SCP2: variants seen among roughly 807,000 people sequenced by gnomAD.
SCP2 encodes the protein SCP-2/3-oxoacyl-CoA thiolase.
SCP2 carries 48 observed loss-of-function variants against 71.4 expected under a neutral mutation model. That is an observed-to-expected ratio of 0.67 (90% CI 0.53 to 0.86). SCP2 has a LOEUF of 0.86. Among genes scored for constraint, SCP2 ranks in the 40% least tolerant of loss-of-function variants. The pLI, the probability that SCP2 is intolerant of heterozygous loss-of-function variation, is 0.00. For missense variants in SCP2, 560 were observed against 655.6 expected (o/e 0.85, Z 1.59); for synonymous variants, 220 against 218.1 (o/e 1.01, Z -0.08).
chr1:52,940,967 C>G (rs537120025), intron 1 of SCP2, among the ~76,000 whole-genome samples: 51 of 152,278 alleles, frequency 3.3e-4, no homozygotes, highest in African/African-American at 1.1e-3. Flanking sequence ...CCAGGCTGGT[C>G]TTGAACTCTT....
At chr1:53,050,171 T>C (rs1313781874) in intron 15 of SCP2, 2 of 215,892 alleles carry the variant, frequency 9.3e-6, no homozygotes, top group African/African-American at 4.7e-5. Context: ...TAGGGATAAG[T>C]CCTTTATCAT....
At chr1:53,015,418 C>T (rs898137070) in intron 12 of SCP2, among the ~76,000 whole-genome samples, 3 of 152,126 alleles carry the variant, frequency 2.0e-5, no homozygotes, top group African/African-American at 7.2e-5. Context: ...TTTGTATTTC[C>T]GAGTCCAGCT....
At chr1:53,043,095 TC>T (rs1252540408) in intron 14 of SCP2, among the ~76,000 whole-genome samples, 1 of 152,198 alleles carries the variant, frequency 6.6e-6, no homozygotes, top group Non-Finnish European at 1.5e-5. Flanking sequence ...CTTCAGGGTC[TC>T]CTATCCCCAA....
chr1:53,022,263 T>G (rs1661803662), intron 12 of SCP2, among the ~76,000 whole-genome samples: 1 of 152,236 alleles, frequency 6.6e-6, no homozygotes, highest in East Asian at 1.9e-4. Context: ...TCATTTAGCA[T>G]AATGTTGTCA....
At chr1:52,948,193 A>G in intron 3 of SCP2, 113 bp downstream of exon 3, 1 of 766,374 alleles carries the variant, frequency 1.3e-6, no homozygotes, top group African/African-American at 1.7e-5. Context: ...GAATTCATTC[A>G]ATTATATTTG....
At chr1:53,035,096 ACT>A (rs1662832855) in intron 13 of SCP2, among the ~76,000 whole-genome samples, 1 of 149,980 alleles carries the variant, frequency 6.7e-6, no homozygotes, top group African/African-American at 2.5e-5. Flanking sequence ...ACAGAGTGAG[ACT>A]CTGTCTCAAA....
rs748290722 is a variant in SCP2, at chr1:52,993,323, T to C, written c.1081+5187T>C. ...AAGTTCATGGAAAGCTTGATCTACA[T>C]TCATCCTAATCTTTGCTGATGCCTC... On this transcript the variant is annotated intron_variant, in intron 11 of 15. Transcript: ENST00000371514. 14 of 1,614,090 alleles carry C rather than the reference T, an allele frequency of 8.7e-6. No individual in the cohort carries two copies. The Admixed American group carries it at 2.3e-4, about 27-fold the overall frequency.
chr1:53,046,092 G>T (rs11206078), intron 14 of SCP2, among the ~76,000 whole-genome samples: 33,013 of 152,098 alleles, frequency 0.22, 6,025 homozygotes, highest in African/African-American at 0.5. Flanking sequence ...CTTTTGGCAA[G>T]TATGAATCTT....
intron 15 of SCP2, 99 bp downstream of exon 15, chr1:53,048,036 T>A: frequency 6.1e-6 from 5 of 825,632 alleles, no homozygotes; most frequent in Non-Finnish European, 6.3e-6. Flanking sequence ...GTGGTCAGAC[T>A]CACAAAACTC....
Position 53,009,848 on chromosome 1 carries a change from G to A in SCP2, c.1082-5042G>A, listed in dbSNP as rs1019575822. Among the ~76,000 whole-genome samples, 12 of 152,164 alleles carry A rather than the reference G, an allele frequency of 7.9e-5. 1 individual carries two copies. Among genetic ancestry groups the A allele is most frequent in the South Asian group, 6.2e-4 (3 of 4,822 alleles). On this transcript the variant is annotated intron_variant, in intron 11 of 15. Transcript: ENST00000371514. ...CATCAGAGTACACAGGCAACCTACA[G>A]AATGGGAGAAAATTTTTGCAACCTA... is the stretch of plus-strand genomic sequence containing the variant.
At chr1:52,973,493 C>T (rs1657681455) in intron 6 of SCP2, among the ~76,000 whole-genome samples, 1 of 152,182 alleles carries the variant, frequency 6.6e-6, no homozygotes, top group Non-Finnish European at 1.5e-5. Flanking sequence ...TTTCTTTGAT[C>T]TAACAGTCAA....
intron 12 of SCP2, among the ~76,000 whole-genome samples, chr1:53,016,596 C>A (rs1310650485): frequency 3.3e-5 from 5 of 151,986 alleles, no homozygotes; most frequent in Non-Finnish European, 7.4e-5. Flanking sequence ...ACTAGGATTG[C>A]CCAACAGAAG....
At chr1:52,990,864 A>G (rs896111833) in intron 11 of SCP2, among the ~76,000 whole-genome samples, 8 of 152,190 alleles carry the variant, frequency 5.3e-5, no homozygotes, top group African/African-American at 1.7e-4. Context: ...TTAGGCCACA[A>G]AAGTTAGATA....
chr1:52,976,333 A>G (rs1395789596), intron 7 of SCP2, among the ~76,000 whole-genome samples: 1 of 152,066 alleles, frequency 6.6e-6, no homozygotes, highest in Non-Finnish European at 1.5e-5. Flanking sequence ...CTCTGTAGTC[A>G]CATGGTTGGT....
chr1:53,030,467 A>G (rs6697622), intron 13 of SCP2, among the ~76,000 whole-genome samples: 2,365 of 152,262 alleles, frequency 0.016, 70 homozygotes, highest in African/African-American at 0.054. Flanking sequence ...AACATTACCA[A>G]TTCATGAGAG....
rs558161265 is a variant in SCP2 at position 52,960,728 on chromosome 1, G to T, written c.397-775G>T. ...GTATATATTATGTGCGTGTGTGTGT[G>T]TGTGTGTGTGTGTGTATATTTATTT... On this transcript the variant is annotated intron_variant, in intron 5 of 15. Coordinates refer to ENST00000371514, the MANE Select transcript of SCP2 (RefSeq NM_002979.5). 6.6e-4 allele frequency among the ~76,000 whole-genome samples: 99 copies of T among 151,094 alleles called. 3 individuals are homozygous for T. The South Asian group carries it at 0.02, about 30-fold the overall frequency.
At chr1:53,034,891 G>A (rs1320471354) in intron 13 of SCP2, among the ~76,000 whole-genome samples, 1 of 152,152 alleles carries the variant, frequency 6.6e-6, no homozygotes, top group African/African-American at 2.4e-5. Context: ...GGATCATGAG[G>A]TCAGGAGATT....
At chr1:52,928,777 A>G (rs1482334262) in intron 1 of SCP2, 1 of 154,432 alleles carries the variant, frequency 6.5e-6, no homozygotes, top group East Asian at 1.9e-4. Flanking sequence ...TGTCTCAACA[A>G]AAACAAAAAA....
intron 2 of SCP2, among the ~76,000 whole-genome samples, chr1:52,942,812 G>A (rs1011996367): frequency 6.7e-6 from 1 of 148,278 alleles, no homozygotes; most frequent in African/African-American, 2.5e-5. Flanking sequence ...TGATTCTCCT[G>A]CCTCAGCCTC....
Sources: gnomAD v4.1 joint callset for allele counts (sites outside exome capture counted in the v4.1 genomes callset) on GRCh38, gnomAD v4.1.1 for gene constraint, MANE v1.5 for transcripts, NCBI Gene and HGNC (gene_info 2026-07-23, HGNC 2026-07-21) for gene names.